MDGA2: variants seen among roughly 807,000 people sequenced by gnomAD.
MDGA2 encodes the protein MAM domain-containing glycosylphosphatidylinositol anchor protein 2.
A neutral mutation model predicts 117.8 loss-of-function variants in MDGA2; 40 were observed. The observed-to-expected ratio is 0.34, with a 90% CI of 0.26 to 0.44. The LOEUF (loss-of-function observed/expected upper bound fraction) is 0.44, where lower values mean the gene tolerates loss of function less well. Among genes scored for constraint, MDGA2 ranks in the 20% least tolerant of loss-of-function variants. The probability of loss-of-function intolerance (pLI) is 1.00; values close to 1 mark genes in which losing one functional copy is unlikely to be tolerated. For synonymous variants in MDGA2, 452 were observed against 439.0 expected (o/e 1.03, Z -0.37); for missense variants, 1,123 against 1,250.6 (o/e 0.90, Z 1.54).
intron 1 of MDGA2, among the ~76,000 whole-genome samples, chr14:47,348,648 A>C (rs35062234): frequency 0.17 from 26,504 of 152,112 alleles, 2,559 homozygotes; most frequent in East Asian, 0.42. Context: ...GTGACTTAGA[A>C]AGGAACAGAA....
intron 1 of MDGA2, among the ~76,000 whole-genome samples, chr14:47,334,302 T>C (rs1389050249): frequency 1.3e-5 from 2 of 151,968 alleles, no homozygotes; most frequent in Non-Finnish European, 2.9e-5. Flanking sequence ...ACATTCATTA[T>C]TAAAAATCCT....
chr14:47,504,401 TA>T (rs1005026293), intron 1 of MDGA2, among the ~76,000 whole-genome samples: 9 of 151,982 alleles, frequency 5.9e-5, no homozygotes, highest in African/African-American at 1.9e-4. Flanking sequence ...CATATACATA[TA>T]TTTTTTTTCA....
At chr14:47,666,696 T>C (rs908243964) in intron 1 of MDGA2, among the ~76,000 whole-genome samples, 3 of 152,188 alleles carry the variant, frequency 2.0e-5, no homozygotes, top group South Asian at 4.1e-4. Context: ...GAGCCAGCAG[T>C]GGCAACCCGC....
At chr14:47,587,509 G>C (rs1896347959) in intron 1 of MDGA2, among the ~76,000 whole-genome samples, 1 of 151,728 alleles carries the variant, frequency 6.6e-6, no homozygotes, top group Admixed American at 6.6e-5. Flanking sequence ...CTTGTTGTTA[G>C]GGAGGTCACT....
intron 1 of MDGA2, among the ~76,000 whole-genome samples, chr14:47,503,099 G>A (rs561853624): frequency 1.3e-5 from 2 of 152,260 alleles, no homozygotes; most frequent in South Asian, 4.1e-4. Flanking sequence ...CTTCAAAGTA[G>A]CACTTGGTTA....
chr14:47,146,570 T>C (rs532758264), intron 3 of MDGA2, among the ~76,000 whole-genome samples: 43 of 152,342 alleles, frequency 2.8e-4, no homozygotes, highest in Admixed American at 1.1e-3. Flanking sequence ...ATATATTGAT[T>C]AATTGAATTT....
chr14:47,625,450 A>G (rs1897124077), intron 1 of MDGA2, among the ~76,000 whole-genome samples: 1 of 152,216 alleles, frequency 6.6e-6, no homozygotes, highest in African/African-American at 2.4e-5. Flanking sequence ...GATGCTCACA[A>G]TATCACCCTA....
At chr14:47,229,959 C>G (rs1886634656) in intron 2 of MDGA2, among the ~76,000 whole-genome samples, 1 of 151,936 alleles carries the variant, frequency 6.6e-6, no homozygotes, top group Admixed American at 6.6e-5. Flanking sequence ...TGATTTATCA[C>G]AAATTTTACA....
intron 1 of MDGA2, among the ~76,000 whole-genome samples, chr14:47,339,092 C>T (rs948919801): frequency 3.3e-5 from 5 of 151,960 alleles, no homozygotes; most frequent in African/African-American, 1.2e-4. Context: ...GTATCTTTTA[C>T]AGGGAGTCTA....
At chr14:47,628,014 C>G (rs1029513896) in intron 1 of MDGA2, among the ~76,000 whole-genome samples, 1 of 152,132 alleles carries the variant, frequency 6.6e-6, no homozygotes, top group South Asian at 2.1e-4. Flanking sequence ...AGACCAACAA[C>G]CCACCAATTC....
At chr14:46,878,636 T>C (rs1369835998) in intron 11 of MDGA2, among the ~76,000 whole-genome samples, 4 of 152,076 alleles carry the variant, frequency 2.6e-5, no homozygotes, top group South Asian at 2.1e-4. Flanking sequence ...TTTCTGATTC[T>C]ACATTCCACA....
At chr14:47,651,453 G>GGCA (rs1250014651) in intron 1 of MDGA2, among the ~76,000 whole-genome samples, 3 of 152,120 alleles carry the variant, frequency 2.0e-5, no homozygotes, top group Non-Finnish European at 4.4e-5. Context: ...TTCAAGATGA[G>GGCA]GCAGCAGAGT....
At chr14:47,080,588 C>T (rs868252129) in intron 6 of MDGA2, among the ~76,000 whole-genome samples, 3 of 152,314 alleles carry the variant, frequency 2.0e-5, no homozygotes, top group Middle Eastern at 3.4e-3. Flanking sequence ...ATCCTCAAAA[C>T]CATACCTGAG....
chr14:47,210,765 T>G (rs1256174654), intron 3 of MDGA2, among the ~76,000 whole-genome samples: 1 of 152,088 alleles, frequency 6.6e-6, no homozygotes, highest in Non-Finnish European at 1.5e-5. Context: ...ACGCCTGTAA[T>G]CCCAACACTT....
intron 1 of MDGA2, among the ~76,000 whole-genome samples, chr14:47,424,617 T>C (rs1184378380): frequency 6.6e-6 from 1 of 152,144 alleles, no homozygotes; most frequent in African/African-American, 2.4e-5. Context: ...TGATTCTGAT[T>C]ATTATTTAAG....
intron 3 of MDGA2, among the ~76,000 whole-genome samples, chr14:47,178,165 A>T (rs192309211): frequency 6.6e-6 from 1 of 152,296 alleles, no homozygotes; most frequent in East Asian, 1.9e-4. Flanking sequence ...ATTAAGTAAT[A>T]TTAAAATTCA....
intron 1 of MDGA2, among the ~76,000 whole-genome samples, chr14:47,566,781 G>A (rs554596953): frequency 1.3e-5 from 2 of 151,938 alleles, no homozygotes; most frequent in South Asian, 4.2e-4. Context: ...CAGCATCTGT[G>A]TCCTCCCTCT....
chr14:47,360,929 G>A (rs1183149607), intron 1 of MDGA2, among the ~76,000 whole-genome samples: 1 of 152,054 alleles, frequency 6.6e-6, no homozygotes, highest in Non-Finnish European at 1.5e-5. Context: ...AGTTACCAGG[G>A]ATGATGGGGG....
At chr14:47,176,251 A>G (rs1335654589) in intron 3 of MDGA2, among the ~76,000 whole-genome samples, 1 of 152,216 alleles carries the variant, frequency 6.6e-6, no homozygotes, top group African/African-American at 2.4e-5. Flanking sequence ...ATTCAATGCC[A>G]TCCCCATCAA....
Sources: allele counts gnomAD v4.1 joint callset (sites outside exome capture counted in the v4.1 genomes callset), GRCh38; gene constraint gnomAD v4.1.1; transcripts MANE v1.5; gene names NCBI Gene and HGNC (gene_info 2026-07-23, HGNC 2026-07-21).